AK5: variants seen among roughly 807,000 people sequenced by gnomAD.
AK5 encodes adenylate kinase 5.
In AK5, 27 loss-of-function variants were observed where a neutral mutation model predicts 69.5. The ratio of observed to expected loss-of-function variants is 0.39; its 90% CI spans 0.29 to 0.54. AK5 has a LOEUF of 0.54. Ranked by LOEUF, AK5 falls within the 20% of genes least tolerant of loss-of-function variation. The pLI is 0.71. For missense variants in AK5, 531 were observed against 700.4 expected (o/e 0.76, Z 2.73); for synonymous variants, 260 against 244.4 (o/e 1.06, Z -0.60).
intron 6 of AK5, among the ~76,000 whole-genome samples, chr1:77,358,187 T>G (rs1662648538): frequency 6.6e-6 from 1 of 152,176 alleles, no homozygotes. Context: ...TTCTGTGCAG[T>G]GTTTTTCTAT....
intron 10 of AK5, among the ~76,000 whole-genome samples, chr1:77,490,303 C>T (rs1007960998): frequency 4.6e-5 from 7 of 152,138 alleles, no homozygotes; most frequent in Non-Finnish European, 8.8e-5. Context: ...TTCCCCTGAG[C>T]TGGTGCTGTT....
intron 8 of AK5, among the ~76,000 whole-genome samples, chr1:77,475,185 ATATATATATATGTG>A (rs66815409): frequency 0.51 from 26,354 of 51,734 alleles, 2,981 homozygotes; most frequent in Admixed American, 0.55. Flanking sequence ...ATATATATAT[ATATATATATATGTG>A]TGTGTGTGTG....
chr1:77,433,004 A>C (rs1419719496), intron 8 of AK5, among the ~76,000 whole-genome samples: 1 of 152,188 alleles, frequency 6.6e-6, no homozygotes, highest in Non-Finnish European at 1.5e-5. Flanking sequence ...TGGATTGGTG[A>C]ACTTTCTGTG....
intron 6 of AK5, among the ~76,000 whole-genome samples, chr1:77,341,449 G>C (rs1661650058): frequency 6.6e-6 from 1 of 152,182 alleles, no homozygotes; most frequent in African/African-American, 2.4e-5. Context: ...AAAGAGTTTT[G>C]TGTAGTTGGG....
chr1:77,552,948 G>A (rs371017313), intron 13 of AK5, among the ~76,000 whole-genome samples: 1 of 152,190 alleles, frequency 6.6e-6, no homozygotes, highest in South Asian at 2.1e-4. Flanking sequence ...GCTGAGGCAG[G>A]AGGACTGCTT....
chr1:77,487,670 A>G (rs1297311314), intron 10 of AK5, among the ~76,000 whole-genome samples: 2 of 152,226 alleles, frequency 1.3e-5, no homozygotes, highest in Admixed American at 6.5e-5. Flanking sequence ...TGAGGCCCAG[A>G]GAAGTTAAGG....
intron 8 of AK5, among the ~76,000 whole-genome samples, chr1:77,446,952 C>T (rs762746089): frequency 6.6e-4 from 100 of 152,246 alleles, no homozygotes; most frequent in Middle Eastern, 3.4e-3. Flanking sequence ...CAGCTGGAGC[C>T]GGGAAGCTGG....
chr1:77,552,881 A>T (rs1275931981), intron 13 of AK5, among the ~76,000 whole-genome samples: 5 of 152,144 alleles, frequency 3.3e-5, no homozygotes, highest in East Asian at 3.9e-4. Context: ...CTACAAAAAC[A>T]TACAAAAAAT....
intron 8 of AK5, among the ~76,000 whole-genome samples, chr1:77,452,056 T>G (rs558348562): frequency 6.6e-6 from 1 of 152,356 alleles, no homozygotes; most frequent in Non-Finnish European, 1.5e-5. Flanking sequence ...AAATTGCCAT[T>G]ATTTCTGTGA....
chr1:77,425,369 T>G (rs975746557), intron 8 of AK5, among the ~76,000 whole-genome samples: 1 of 152,120 alleles, frequency 6.6e-6, no homozygotes, highest in Admixed American at 6.5e-5. Context: ...GTGGATTGCT[T>G]GAGGTCAGGA....
chr1:77,399,211 G>C (rs1649031790), intron 6 of AK5, among the ~76,000 whole-genome samples: 2 of 152,164 alleles, frequency 1.3e-5, no homozygotes, highest in African/African-American at 4.8e-5. Context: ...CTGGACATTG[G>C]TCAAGCTAAG....
chr1:77,511,542 A>T (rs1657347667), intron 10 of AK5, among the ~76,000 whole-genome samples: 1 of 152,240 alleles, frequency 6.6e-6, no homozygotes, highest in African/African-American at 2.4e-5. Context: ...GTTGAAGGAC[A>T]GTGGGAAATA....
Position 77,367,574 on chromosome 1 carries a change from TATATAA to T in AK5, c.891+27007_891+27012del, listed in dbSNP as rs1646982288. On this transcript the variant is annotated intron_variant, in intron 6 of 13. Transcript: ENST00000354567. ...TGTTATTTTTATATATATATATATA[TATATAA>T]TATATATGTTATATATGTAATATAT... is the stretch of plus-strand genomic sequence containing the variant. Among the ~76,000 whole-genome samples the T allele has an allele frequency of 5.5e-4, 6 of 10,844 alleles. No homozygotes were observed. The South Asian group carries it at 0.016, about 30-fold the overall frequency. The allele number at this position is 10,844 out of a possible 152,430, so 7.1% of individuals were successfully genotyped here. A position where few individuals can be genotyped will look rare whatever the true frequency, so the allele number is the denominator to read the frequency against.
chr1:77,288,883 A>C (rs1423929678), intron 2 of AK5, among the ~76,000 whole-genome samples: 1 of 152,222 alleles, frequency 6.6e-6, no homozygotes, highest in Admixed American at 6.5e-5. Flanking sequence ...CATCTTACAT[A>C]GGCAGGAGGT....
chr1:77,374,769 A>G (rs1007099579), intron 6 of AK5, among the ~76,000 whole-genome samples: 1 of 151,604 alleles, frequency 6.6e-6, no homozygotes, highest in Non-Finnish European at 1.5e-5. Flanking sequence ...ACAGTGAGCT[A>G]TGATCTCACC....
chr1:77,451,037 A>G (rs1408454727), intron 8 of AK5, among the ~76,000 whole-genome samples: 1 of 152,058 alleles, frequency 6.6e-6, no homozygotes, highest in African/African-American at 2.4e-5. Flanking sequence ...TTAGCCAGGC[A>G]TGATGGTATG....
At chr1:77,306,161 A>G (rs1054265077) in intron 5 of AK5, among the ~76,000 whole-genome samples, 7 of 152,048 alleles carry the variant, frequency 4.6e-5, no homozygotes, top group Admixed American at 2.0e-4. Flanking sequence ...CATGTTTCCA[A>G]TCTTAGAGGA....
intron 8 of AK5, among the ~76,000 whole-genome samples, chr1:77,425,770 G>T (rs1279042665): frequency 6.6e-6 from 1 of 152,108 alleles, no homozygotes; most frequent in Non-Finnish European, 1.5e-5. Flanking sequence ...ATATACTTAT[G>T]ATTCTGTATA....
rs1387901501 is a variant in AK5 at position 77,558,622 on chromosome 1, A to G, written c.1641A>G (p.Pro547=). 1 of 1,600,354 alleles carries G rather than the reference A, an allele frequency of 6.2e-7. No homozygotes were observed. The highest frequency in any genetic ancestry group is 1.1e-5 in the South Asian group (1 of 90,696). The change falls in exon 14 of 14, where the codon CCA becomes CCG. Residue 547 remains proline (P), a synonymous_variant. Transcript: ENST00000354567. ...QLHKINAEGT[P]EDVFLQLCTA... ...TATAGATAAATGCAGAGGGAACACC[A>G]GAGGACGTTTTTCTTCAACTCTGCA...
Sources: gnomAD v4.1 joint callset for allele counts (sites outside exome capture counted in the v4.1 genomes callset) on GRCh38, gnomAD v4.1.1 for gene constraint, MANE v1.5 for transcripts, NCBI Gene and HGNC (gene_info 2026-07-23, HGNC 2026-07-21) for gene names.